The following CCSER1 variants were observed in gnomAD, a reference collection of about 807,000 sequenced individuals.
CCSER1 encodes the protein coiled-coil serine rich protein 1, also known as serine-rich coiled-coil domain-containing protein 1.
Under a neutral mutation model 82.0 loss-of-function variants are expected in CCSER1, and 41 were observed. The ratio of observed to expected loss-of-function variants is 0.50; its 90% CI spans 0.39 to 0.65. The LOEUF (loss-of-function observed/expected upper bound fraction) is 0.65. CCSER1 is among the 30% of genes least tolerant of loss of function. The probability of loss-of-function intolerance (pLI) is 0.00; values close to 1 mark genes in which losing one functional copy is unlikely to be tolerated. For synonymous variants in CCSER1, 414 were observed against 383.9 expected (o/e 1.08, Z -0.92); for missense variants, 1,119 against 1,064.2 (o/e 1.05, Z -0.72).
chr4:91,478,096 G>A (rs115055037), intron 10 of CCSER1, among the ~76,000 whole-genome samples: 4 of 151,852 alleles, frequency 2.6e-5, no homozygotes, highest in Non-Finnish European at 5.9e-5. Context: ...TCATTAAAAG[G>A]AATATAGAAG....
chr4:90,718,567 C>A (rs1742100731), intron 6 of CCSER1, among the ~76,000 whole-genome samples: 1 of 152,064 alleles, frequency 6.6e-6, no homozygotes, highest in Non-Finnish European at 1.5e-5. Flanking sequence ...TGAAAGTATG[C>A]AAAACAATTT....
chr4:91,520,143 T>C (rs1760374607), intron 10 of CCSER1, among the ~76,000 whole-genome samples: 2 of 152,204 alleles, frequency 1.3e-5, no homozygotes, highest in Admixed American at 6.5e-5. Context: ...TCTGGTGCAC[T>C]GTACTAATTT....
intron 1 of CCSER1, among the ~76,000 whole-genome samples, chr4:90,292,183 A>C (rs999747576): frequency 6.6e-6 from 1 of 151,828 alleles, no homozygotes; most frequent in Non-Finnish European, 1.5e-5. Context: ...TTTCTGTAAC[A>C]CACTACATTT....
At chr4:91,413,683 C>T (rs1001542087) in intron 10 of CCSER1, among the ~76,000 whole-genome samples, 1 of 151,982 alleles carries the variant, frequency 6.6e-6, no homozygotes, top group Non-Finnish European at 1.5e-5. Context: ...AGGACATGGA[C>T]ATACAGAATA....
chr4:90,912,008 C>T (rs1411353036), intron 8 of CCSER1, among the ~76,000 whole-genome samples: 3 of 152,240 alleles, frequency 2.0e-5, no homozygotes, highest in East Asian at 1.9e-4. Context: ...GAGCCCACCG[C>T]AGCTCAAGGA....
chr4:90,456,179 G>A (rs971241769), intron 4 of CCSER1, among the ~76,000 whole-genome samples: 2 of 152,122 alleles, frequency 1.3e-5, no homozygotes, highest in East Asian at 1.9e-4. Context: ...TGGGGAAGGT[G>A]CCTGGGGAAA....
chr4:90,783,653 C>A (rs963710746), intron 7 of CCSER1, among the ~76,000 whole-genome samples: 1 of 152,148 alleles, frequency 6.6e-6, no homozygotes, highest in Non-Finnish European at 1.5e-5. Context: ...TAAGCCTCTT[C>A]CAAGGAGAAA....
At chr4:91,460,101 G>A (rs190856086) in intron 10 of CCSER1, among the ~76,000 whole-genome samples, 3 of 152,304 alleles carry the variant, frequency 2.0e-5, no homozygotes, top group Admixed American at 2.0e-4. Context: ...ATTTGACTGA[G>A]TGGTAAATAT....
chr4:90,778,726 C>G (rs539519291), intron 7 of CCSER1, among the ~76,000 whole-genome samples: 1 of 151,944 alleles, frequency 6.6e-6, no homozygotes, highest in African/African-American at 2.4e-5. Flanking sequence ...CACCCTGCAT[C>G]CCTCAAGATT....
At chr4:91,520,064 C>T (rs759022588) in intron 10 of CCSER1, among the ~76,000 whole-genome samples, 2 of 152,252 alleles carry the variant, frequency 1.3e-5, no homozygotes, top group South Asian at 2.1e-4. Context: ...TTGTTTTCTA[C>T]GTGTTTTATG....
intron 10 of CCSER1, among the ~76,000 whole-genome samples, chr4:91,203,508 A>C (rs1331193651): frequency 2.0e-5 from 3 of 151,366 alleles, no homozygotes; most frequent in African/African-American, 7.3e-5. Context: ...ATAGATAATA[A>C]ACACACACAC....
chr4:90,903,829 T>C (rs1316942020), intron 8 of CCSER1, among the ~76,000 whole-genome samples: 2 of 128,230 alleles, frequency 1.6e-5, no homozygotes, highest in Non-Finnish European at 3.4e-5. Context: ...AGAGTGATAC[T>C]CTGTCTCAAA....
At chr4:90,687,924 T>A (rs1427232222) in intron 6 of CCSER1, among the ~76,000 whole-genome samples, 1 of 152,164 alleles carries the variant, frequency 6.6e-6, no homozygotes, top group Non-Finnish European at 1.5e-5. Context: ...CTGACTCTGA[T>A]CTAACTCTGT....
intron 8 of CCSER1, among the ~76,000 whole-genome samples, chr4:90,864,441 G>T (rs902075024): frequency 1.3e-5 from 2 of 151,876 alleles, no homozygotes; most frequent in Non-Finnish European, 1.5e-5. Context: ...CTAGGAGTAA[G>T]TTCGCTATCT....
chr4:90,306,323 T>C (rs1734264846), intron 1 of CCSER1, among the ~76,000 whole-genome samples: 1 of 152,130 alleles, frequency 6.6e-6, no homozygotes, highest in Non-Finnish European at 1.5e-5. Context: ...TATTTCAAAA[T>C]GGCTAAAAGA....
intron 1 of CCSER1, among the ~76,000 whole-genome samples, chr4:90,151,436 A>G (rs1726822879): frequency 6.6e-6 from 1 of 152,044 alleles, no homozygotes; most frequent in South Asian, 2.1e-4. Flanking sequence ...AAAGTCTACC[A>G]TTTGGGTGTC....
intron 10 of CCSER1, among the ~76,000 whole-genome samples, chr4:91,360,588 G>A (rs1749181143): frequency 6.6e-6 from 1 of 151,706 alleles, no homozygotes; most frequent in Non-Finnish European, 1.5e-5. Flanking sequence ...CTGTGTTTTG[G>A]ATAGGATGCC....
chr4:90,638,721 A>G (rs1029815761), intron 6 of CCSER1, among the ~76,000 whole-genome samples: 1 of 152,122 alleles, frequency 6.6e-6, no homozygotes, highest in African/African-American at 2.4e-5. Context: ...GTATAATTCC[A>G]TGACTCTTGC....
intron 7 of CCSER1, among the ~76,000 whole-genome samples, chr4:90,749,574 CA>C (rs1484056060): frequency 6.6e-6 from 1 of 151,936 alleles, no homozygotes; most frequent in Non-Finnish European, 1.5e-5. Context: ...ATTCTGTGAA[CA>C]AAGTCATTGG....
Sources: allele counts gnomAD v4.1 joint callset (sites outside exome capture counted in the v4.1 genomes callset), GRCh38; gene constraint gnomAD v4.1.1; transcripts MANE v1.5; gene names NCBI Gene and HGNC (gene_info 2026-07-23, HGNC 2026-07-21).